Variants in NFATC3 observed in about 807,000 individuals in gnomAD.
The protein encoded by NFATC3 is nuclear factor of activated T-cells, cytoplasmic 3.
Under a neutral mutation model 98.6 loss-of-function variants are expected in NFATC3, and 46 were observed. That is an observed-to-expected ratio of 0.47 (90% CI 0.37 to 0.60). The LOEUF (loss-of-function observed/expected upper bound fraction) is 0.60. Among genes scored for constraint, NFATC3 ranks in the 20% least tolerant of loss-of-function variants. The probability of loss-of-function intolerance (pLI) is 0.00; values close to 1 mark genes in which losing one functional copy is unlikely to be tolerated. For missense variants in NFATC3, 1,256 were observed against 1,295.5 expected, an observed-to-expected ratio of 0.97 and a Z score of 0.47; for synonymous variants, 512 against 472.2, an observed-to-expected ratio of 1.08 and a Z score of -1.09.
chr16:68,140,172 G>A (rs2037673750), intron 3 of NFATC3, among the ~76,000 whole-genome samples: 1 of 151,962 alleles, frequency 6.6e-6, no homozygotes, highest in Non-Finnish European at 1.5e-5. Flanking sequence ...TAGTTTTTTT[G>A]TATTTTTAGT....
chr16:68,199,135 G>C (rs1326750709), intron 9 of NFATC3, among the ~76,000 whole-genome samples: 1 of 152,116 alleles, frequency 6.6e-6, no homozygotes, highest in African/African-American at 2.4e-5. Flanking sequence ...AGGATTGCTT[G>C]AACCCAGGAG....
chr16:68,188,233 G>C (rs934139543), intron 8 of NFATC3, among the ~76,000 whole-genome samples: 3 of 152,184 alleles, frequency 2.0e-5, no homozygotes, highest in Non-Finnish European at 4.4e-5. Context: ...CGGGAGGGGG[G>C]CTTCCTGGGT....
intron 9 of NFATC3, chr16:68,217,809 G>A: frequency 1.6e-6 from 2 of 1,231,496 alleles, no homozygotes; most frequent in South Asian, 4.1e-5. Context: ...CAAGTGATGA[G>A]GAAGATACGT....
intron 6 of NFATC3, among the ~76,000 whole-genome samples, chr16:68,179,971 G>T (rs2039884737): frequency 6.6e-6 from 1 of 152,124 alleles, no homozygotes; most frequent in African/African-American, 2.4e-5. Context: ...GTCAGCATAT[G>T]GTGCTCCCAA....
Position 68,122,078 on chromosome 16 carries a change from T to G in NFATC3, c.195T>G (p.His65Gln). 6.2e-7 allele frequency: 1 copy of G among 1,614,076 alleles called. No individual in the cohort carries two copies. The part of the protein sequence containing the change: ...TLTTPLCLPH[H>Q]GLPSHSSVLS... ...CCACACCACTTTGCTTACCACATCATGGATTACCGTCTCACTCTTCTGTTT... is the reference window on the plus strand; with the variant it reads ...CCACACCACTTTGCTTACCACATCAGGGATTACCGTCTCACTCTTCTGTTT... The change falls in exon 2 of 10, where the codon CAT becomes CAG. Residue 65 changes from histidine (H) to glutamine (Q), a missense_variant. Around this residue, in one of 3 missense-constraint regions of NFATC3, gnomAD observed 464 missense variants for 465.7 expected, o/e 1.00. Transcript: ENST00000346183.
chr16:68,205,361 C>T (rs1434817601), intron 9 of NFATC3, among the ~76,000 whole-genome samples: 1 of 151,994 alleles, frequency 6.6e-6, no homozygotes, highest in Non-Finnish European at 1.5e-5. Flanking sequence ...ATTTCTCTCC[C>T]ACCTCAGCCT....
At chr16:68,113,288 ATGT>A (rs927039034) in intron 1 of NFATC3, among the ~76,000 whole-genome samples, 77 of 151,702 alleles carry the variant, frequency 5.1e-4, no homozygotes, top group Non-Finnish European at 1.5e-4. Context: ...TTTTGTGTTG[ATGT>A]TGTTGTTGTT....
At chr16:68,221,314 C>T (rs774433779) in intron 9 of NFATC3, 90 of 1,611,072 alleles carry the variant, frequency 5.6e-5, no homozygotes, top group Non-Finnish European at 7.0e-5. Flanking sequence ...GCCCCCAGCC[C>T]GAGGGAGAAG....
chr16:68,192,267 ATATATGTATGTG>A (rs2040469327), intron 9 of NFATC3: 1 of 135,150 alleles, frequency 7.4e-6, no homozygotes, highest in Admixed American at 7.7e-5. Context: ...ATGTGTATAT[ATATATGTATGTG>A]TATATATATA....
intron 3 of NFATC3, 33 bp from the exon 4 acceptor site, chr16:68,157,836 T>C (rs764726212): frequency 1.3e-6 from 2 of 1,562,508 alleles, no homozygotes; most frequent in South Asian, 1.1e-5. Flanking sequence ...GGATAATGAA[T>C]TGTGCTTTTC....
intron 8 of NFATC3, among the ~76,000 whole-genome samples, chr16:68,188,784 C>T (rs1472935099): frequency 3.9e-5 from 6 of 152,218 alleles, no homozygotes; most frequent in African/African-American, 1.4e-4. Context: ...TCTCGTTTCA[C>T]TGCAACCTCT....
chr16:68,164,563 A>G (rs2039097224), intron 4 of NFATC3, among the ~76,000 whole-genome samples: 1 of 152,078 alleles, frequency 6.6e-6, no homozygotes, highest in African/African-American at 2.4e-5. Flanking sequence ...TTAACATTGG[A>G]TTAATATTGA....
chr16:68,132,991 C>T (rs917714452), intron 3 of NFATC3, among the ~76,000 whole-genome samples: 2 of 152,118 alleles, frequency 1.3e-5, no homozygotes, highest in African/African-American at 4.8e-5. Context: ...TGTGGCGGGG[C>T]GCAGTGGCTC....
At chr16:68,092,477 A>C (rs999443432) in intron 1 of NFATC3, among the ~76,000 whole-genome samples, 2 of 145,250 alleles carry the variant, frequency 1.4e-5, no homozygotes, top group African/African-American at 5.1e-5. Flanking sequence ...TAAATAAATA[A>C]AAGGCTGGGC....
At chr16:68,224,126 TAA>T (rs1174161190) in intron 9 of NFATC3, among the ~76,000 whole-genome samples, 87 of 72,424 alleles carry the variant, frequency 1.2e-3, no homozygotes, top group African/African-American at 2.8e-3. Context: ...TGCACCAGTT[TAA>T]AAAAAAAAAA....
chr16:68,177,454 C>T (rs1423549065), intron 6 of NFATC3, among the ~76,000 whole-genome samples: 1 of 152,090 alleles, frequency 6.6e-6, no homozygotes, highest in Non-Finnish European at 1.5e-5. Context: ...GGAGTTATAT[C>T]CCCCCACTCT....
rs147296612 is a variant in NFATC3 at position 68,139,080 on chromosome 16, C to T, written c.1401+12470C>T. 3.6e-3 allele frequency among the ~76,000 whole-genome samples: 550 copies of T among 152,276 alleles called. 6 individuals are homozygous for T. The highest frequency in any genetic ancestry group is 0.012 in the African/African-American group (507 of 41,550). On this transcript the variant is annotated intron_variant, in intron 3 of 9. Transcript: ENST00000346183. ...AGAGATGAACAAGAGAGACAAAACT[C>T]CAGTCCTCAAGGGCCTTTCTCACTT... is the stretch of plus-strand genomic sequence containing the variant.
chr16:68,214,823 T>C (rs982586248), intron 9 of NFATC3, among the ~76,000 whole-genome samples: 2 of 152,108 alleles, frequency 1.3e-5, no homozygotes, highest in African/African-American at 4.8e-5. Context: ...AATCAGGAAA[T>C]TTTGTCCGTT....
At chr16:68,104,835 T>C (rs1453624336) in intron 1 of NFATC3, among the ~76,000 whole-genome samples, 1 of 151,788 alleles carries the variant, frequency 6.6e-6, no homozygotes, top group Non-Finnish European at 1.5e-5. Flanking sequence ...TTTGTATTTT[T>C]AGTAGAGACA....
Sources: gnomAD v4.1 joint callset for allele counts (sites outside exome capture counted in the v4.1 genomes callset) on GRCh38, gnomAD v4.1.1 for gene constraint, gnomAD v4.1.1 regional missense constraint, MANE v1.5 for transcripts, NCBI Gene and HGNC (gene_info 2026-07-23, HGNC 2026-07-21) for gene names.